The following DOCK7 variants were observed in gnomAD, a reference collection of about 807,000 sequenced individuals.
DOCK7 encodes dedicator of cytokinesis protein 7.
DOCK7 carries 138 observed loss-of-function variants against 271.0 expected under a neutral mutation model. That is an observed-to-expected ratio of 0.51 (90% CI 0.44 to 0.59). DOCK7 has a LOEUF of 0.59. Among genes scored for constraint, DOCK7 ranks in the 20% least tolerant of loss-of-function variants. The pLI is 0.00. For synonymous variants in DOCK7, 823 were observed against 876.1 expected (o/e 0.94, Z 1.07); for missense variants, 2,066 against 2,592.4 (o/e 0.80, Z 4.41).
chr1:62,456,141 TAA>T (rs1324549062), intron 49 of DOCK7, among the ~76,000 whole-genome samples: 1 of 151,984 alleles, frequency 6.6e-6, no homozygotes, highest in Admixed American at 6.6e-5. Context: ...CACAAGAAAA[TAA>T]GTGAGAAAAG....
In DOCK7 at chr1:62,688,219, A is replaced by G. The variant is rs1227359566; in HGVS notation, c.38+8T>C. ...GCGGCGGCGGCGCGCCCCACGCCGG[A>G]TATTTACCTGCTGATCTTCTGGGCG... On this transcript the variant is annotated splice_region_variant and intron_variant, in intron 1 of 49. Coordinates refer to ENST00000635253, the MANE Select transcript of DOCK7 (RefSeq NM_001367561.1). 1.5e-6 allele frequency: 2 copies of G among 1,377,688 alleles called. No individual in the cohort carries two copies. The highest frequency in any genetic ancestry group is 1.9e-6 in the Non-Finnish European group (2 of 1,053,484). 85.3% of individuals were successfully genotyped at this position (1,377,688 alleles called of 1,614,324 possible). A position where few individuals can be genotyped will look rare whatever the true frequency, so the allele number is the denominator to read the frequency against.
intron 43 of DOCK7, chr1:62,487,081 AAAAGAAATCTGTGTAT>A: frequency 4.8e-6 from 1 of 209,302 alleles, no homozygotes; most frequent in South Asian, 1.5e-4. Flanking sequence ...TATGGTTAAA[AAAAGAAATCTGTGTAT>A]AAATGTTGAT....
intron 29 of DOCK7, among the ~76,000 whole-genome samples, chr1:62,531,292 G>C (rs1193728254): frequency 6.6e-6 from 1 of 152,064 alleles, no homozygotes; most frequent in Non-Finnish European, 1.5e-5. Flanking sequence ...CTATCCACTT[G>C]TCTTCATAAA....
chr1:62,462,979 C>T lies in DOCK7; in HGVS notation c.6213-5274G>A, dbSNP rs376307537. On this transcript the variant is annotated intron_variant, in intron 48 of 49. Transcript: ENST00000635253. ...TAACCTATATTGATAAAGGAAAAGA[C>T]TGAATCATTTAACTACATTAAATTT... 3.4e-4 allele frequency among the ~76,000 whole-genome samples: 42 copies of T among 123,908 alleles called. No homozygotes were observed. The South Asian group carries it at 0.011, about 33-fold the overall frequency. 81.3% of individuals were successfully genotyped at this position (123,908 alleles called of 152,430 possible).
At chr1:62,492,496 C>A (rs201506910) in intron 41 of DOCK7, 1 of 523,118 alleles carries the variant, frequency 1.9e-6, no homozygotes, top group Non-Finnish European at 3.3e-6. Flanking sequence ...CTATGTTCCC[C>A]ATGCTGGTCT....
At chr1:62,688,180 C>G in intron 1 of DOCK7, 47 bp downstream of exon 1, 1 of 1,352,580 alleles carries the variant, frequency 7.4e-7, no homozygotes, top group Non-Finnish European at 9.6e-7. Flanking sequence ...GACTCCGCGG[C>G]TCTTTCTCGG....
At chr1:62,664,487 G>C (rs1659045964) in intron 1 of DOCK7, among the ~76,000 whole-genome samples, 1 of 152,128 alleles carries the variant, frequency 6.6e-6, no homozygotes, top group Non-Finnish European at 1.5e-5. Flanking sequence ...CCAGCCATGT[G>C]GAACTACGAG....
At chr1:62,499,351 G>T (rs1392125265) in intron 37 of DOCK7, among the ~76,000 whole-genome samples, 1 of 152,016 alleles carries the variant, frequency 6.6e-6, no homozygotes, top group African/African-American at 2.4e-5. Flanking sequence ...CCCACTTCTG[G>T]ATTTCATGTA....
Position 62,462,658 on chromosome 1 carries a change from A to G in DOCK7, c.6213-4953T>C, listed in dbSNP as rs554853441. ...TGTAAGGGGAAAAAAAACCTAAACC[A>G]TATCTCATACCATATTCAATAAATG... On this transcript the variant is annotated intron_variant, in intron 48 of 49. Coordinates refer to ENST00000635253, the MANE Select transcript of DOCK7 (RefSeq NM_001367561.1). 2.0e-4 allele frequency among the ~76,000 whole-genome samples: 31 copies of G among 152,318 alleles called. 1 individual carries two copies. Among genetic ancestry groups the G allele is most frequent in the Non-Finnish European group, 4.0e-4 (27 of 68,032 alleles).
rs1031512618 is a variant in DOCK7 at position 62,620,149 on chromosome 1, G to A, written c.1426-156C>T. On this transcript the variant is annotated intron_variant, in intron 12 of 49. Transcript: ENST00000635253. ...AGCCTGGCCAACATGGTGAAACCCC[G>A]TCTCTACTAAAAATACAAAAAAAAT... 2.6e-5 allele frequency among the ~76,000 whole-genome samples: 4 copies of A among 151,530 alleles called. No individual in the cohort carries two copies. The South Asian group carries it at 6.3e-4, about 24-fold the overall frequency.
At chr1:62,626,107 T>G (rs958484302) in intron 11 of DOCK7, among the ~76,000 whole-genome samples, 5 of 152,186 alleles carry the variant, frequency 3.3e-5, no homozygotes, top group South Asian at 4.1e-4. Flanking sequence ...AATTCACAAA[T>G]GTATGTAAGT....
rs1647558010 is a variant in DOCK7, at chr1:62,586,562, T to C, written c.1745A>G (p.Asn582Ser). 6.2e-7 allele frequency: 1 copy of C among 1,613,046 alleles called. No homozygotes were observed. Among genetic ancestry groups the C allele is most frequent in the Non-Finnish European group, 8.5e-7 (1 of 1,179,392 alleles). ...CATAAACTGGACTTTCACTGTTATATTTCTAGCAGAACCTTGACGATTGGC... is the reference window on the plus strand; with the variant it reads ...CATAAACTGGACTTTCACTGTTATACTTCTAGCAGAACCTTGACGATTGGC... ...NFANRQGSAR[N>S]ITVKVQFMYG... The change falls in exon 15 of 50, where the codon AAT becomes AGT. Residue 582 changes from asparagine to serine, a missense_variant. This residue lies in a region of DOCK7 where 1,414 missense variants were observed against 1,670.4 expected (regional missense o/e 0.85). Coordinates refer to ENST00000635253, the MANE Select transcript of DOCK7 (RefSeq NM_001367561.1).
intron 4 of DOCK7, among the ~76,000 whole-genome samples, chr1:62,650,446 G>T (rs2149684588): frequency 6.6e-6 from 1 of 152,252 alleles, no homozygotes; most frequent in South Asian, 2.1e-4. Flanking sequence ...TGACAAATGG[G>T]ATCTAATTAA....
intron 46 of DOCK7, 71 bp downstream of exon 46, chr1:62,475,636 C>G: frequency 1.5e-6 from 2 of 1,378,634 alleles, no homozygotes; most frequent in Non-Finnish European, 2.0e-6. Flanking sequence ...TCTTCTGGTA[C>G]ATCTGAGTTG....
rs149374156 is a variant in DOCK7, at chr1:62,628,128, C to G, written c.1283-2727G>C. ...AGCGCATTACATTTATCATTAGAGT[C>G]CCATAAGGTGCACGTAACCTAGATC... On this transcript the variant is annotated intron_variant, in intron 11 of 49. Transcript: ENST00000635253. 5 of 152,196 alleles carry G rather than the reference C, an allele frequency of 3.3e-5. No individual in the cohort carries two copies. The South Asian group carries it at 1.0e-3, about 31-fold the overall frequency. 9.4% of individuals were successfully genotyped at this position (152,196 alleles called of 1,614,324 possible).
At chr1:62,649,513 T>C (rs1470433334) in intron 4 of DOCK7, among the ~76,000 whole-genome samples, 1 of 152,202 alleles carries the variant, frequency 6.6e-6, no homozygotes, top group African/African-American at 2.4e-5. Context: ...AATGGAATGT[T>C]TCAAGTGTCT....
chr1:62,565,259 T>A (rs973687461), intron 18 of DOCK7, among the ~76,000 whole-genome samples: 1 of 151,608 alleles, frequency 6.6e-6, no homozygotes, highest in African/African-American at 2.4e-5. Context: ...AAGAATTTTC[T>A]TTTCAAAAGA....
chr1:62,630,566 A>C (rs192422903), intron 11 of DOCK7, among the ~76,000 whole-genome samples: 1 of 152,024 alleles, frequency 6.6e-6, no homozygotes, highest in East Asian at 1.9e-4. Flanking sequence ...ATGCCAATTA[A>C]CCTCATGCAC....
At chr1:62,627,734 G>C (rs960403164) in intron 11 of DOCK7, 1 of 151,918 alleles carries the variant, frequency 6.6e-6, no homozygotes, top group Non-Finnish European at 1.5e-5. Flanking sequence ...AAATGAAAAA[G>C]ATTTAAATAA....
Sources: gnomAD v4.1 joint callset for allele counts (sites outside exome capture counted in the v4.1 genomes callset) on GRCh38, gnomAD v4.1.1 for gene constraint, gnomAD v4.1.1 regional missense constraint, MANE v1.5 for transcripts, NCBI Gene and HGNC (gene_info 2026-07-23, HGNC 2026-07-21) for gene names.